The following VPS13C variants were observed in gnomAD, a reference collection of about 807,000 sequenced individuals.
VPS13C encodes vacuolar protein sorting 13 homolog C, also known as intermembrane lipid transfer protein VPS13C.
In VPS13C, 358 loss-of-function variants were observed where a neutral mutation model predicts 456.8. That is an observed-to-expected ratio of 0.78 (90% CI 0.72 to 0.86). The LOEUF is 0.86. VPS13C is among the 40% of genes least tolerant of loss of function. VPS13C has a pLI of 0.00. For missense variants in VPS13C, 4,818 were observed against 4,385.4 expected, an observed-to-expected ratio of 1.10 and a Z score of -2.79; for synonymous variants, 1,578 against 1,486.7, an observed-to-expected ratio of 1.06 and a Z score of -1.41.
rs1596276198 is a variant in VPS13C at position 61,872,573 on chromosome 15, T to C, written c.10579-539A>G. Among the ~76,000 whole-genome samples, 2 of 152,074 alleles carry C rather than the reference T, an allele frequency of 1.3e-5. 1 individual carries two copies. The highest frequency in any genetic ancestry group is 3.9e-4 in the East Asian group (2 of 5,188). ...CAAAAAACACAGCAGTTTCCTGAAATTATTTCCAAAATTAAAACATGAATA... is the reference window on the plus strand; with the variant it reads ...CAAAAAACACAGCAGTTTCCTGAAACTATTTCCAAAATTAAAACATGAATA... On this transcript the variant is annotated intron_variant, in intron 78 of 84. Transcript: ENST00000644861.
chr15:61,881,677 T>G, intron 70 of VPS13C, 45 bp from the exon 71 acceptor site: 1 of 1,599,558 alleles, frequency 6.3e-7, no homozygotes, highest in Non-Finnish European at 8.5e-7. Flanking sequence ...TGCTTTATAC[T>G]AGGTTAAACT....
intron 16 of VPS13C, among the ~76,000 whole-genome samples, 174 bp downstream of exon 16, chr15:62,000,390 G>GT (rs970762998): frequency 9.9e-5 from 15 of 151,660 alleles, no homozygotes; most frequent in African/African-American, 2.2e-4. Context: ...TAAAAATAAG[G>GT]TTTTTTTTCC....
chr15:61,941,143 T>C (rs545621971), intron 46 of VPS13C, among the ~76,000 whole-genome samples: 3 of 152,226 alleles, frequency 2.0e-5, no homozygotes, highest in African/African-American at 7.2e-5. Context: ...AACTGGAAGA[T>C]GAAGAAAGTA....
At chr15:61,931,822 C>T (rs1206644552) in intron 49 of VPS13C, among the ~76,000 whole-genome samples, 3 of 151,776 alleles carry the variant, frequency 2.0e-5, no homozygotes, top group African/African-American at 2.4e-5. Context: ...CCTCATGATC[C>T]GCCCACCTCG....
chr15:61,886,476 G>A (rs1223549371), intron 67 of VPS13C, among the ~76,000 whole-genome samples: 1 of 151,922 alleles, frequency 6.6e-6, no homozygotes, highest in East Asian at 1.9e-4. Context: ...GTTTTGATAT[G>A]ACGGATATAT....
intron 66 of VPS13C, among the ~76,000 whole-genome samples, chr15:61,901,608 A>G (rs2042998890): frequency 6.6e-6 from 1 of 152,136 alleles, no homozygotes; most frequent in Non-Finnish European, 1.5e-5. Flanking sequence ...AAAGTCAGGA[A>G]ACAACAGGTG....
rs751998215 is a variant in VPS13C at position 61,962,455 on chromosome 15, G to T, written c.3519C>A (p.Asp1173Glu). Reference protein sequence around the residue: ...PDATEGDLYTDMSKVDGVLSL... With the variant: ...PDATEGDLYTEMSKVDGVLSL... ...ACAGCACACCATCCACTTTGGACATGTCAGTATACAAATCCCCCTCAGTAG... is the reference window on the plus strand; with the variant it reads ...ACAGCACACCATCCACTTTGGACATTTCAGTATACAAATCCCCCTCAGTAG... The change falls in exon 34 of 85, where the codon GAC (aspartate) becomes GAA (glutamate). Residue 1173 changes from aspartate (D) to glutamate (E), a missense_variant. This residue lies in a region of VPS13C where 4,552 missense variants were observed against 4,130.6 expected (regional missense o/e 1.10). Transcript: ENST00000644861. The T allele has an allele frequency of 8.1e-6, 13 of 1,611,958 alleles. No homozygotes were observed. Among genetic ancestry groups the T allele is most frequent in the Middle Eastern group, 1.6e-4 (1 of 6,078 alleles).
At chr15:61,893,870 C>A (rs1244437760) in intron 66 of VPS13C, among the ~76,000 whole-genome samples, 1 of 151,400 alleles carries the variant, frequency 6.6e-6, no homozygotes, top group Non-Finnish European at 1.5e-5. Context: ...TTTTGTAAGC[C>A]TCATAGTAAC....
chr15:62,017,278 T>G (rs1448708074), intron 9 of VPS13C, among the ~76,000 whole-genome samples: 2 of 152,196 alleles, frequency 1.3e-5, no homozygotes, highest in Non-Finnish European at 2.9e-5. Flanking sequence ...GTGCAGAAGC[T>G]CTTTAGTTAA....
At chr15:61,859,979 A>G (rs187134267) in intron 82 of VPS13C, among the ~76,000 whole-genome samples, 65 of 152,274 alleles carry the variant, frequency 4.3e-4, no homozygotes, top group African/African-American at 1.5e-3. Flanking sequence ...TTAAAAACTC[A>G]TAAGAAAAAA....
chr15:62,010,655 G>A, intron 12 of VPS13C, 56 bp from the exon 13 acceptor site: 2 of 1,457,370 alleles, frequency 1.4e-6, no homozygotes, highest in Non-Finnish European at 1.8e-6. Flanking sequence ...ATATAAACAA[G>A]TGTAAATAAT....
At chr15:61,994,911 T>C (rs1045938836) in intron 16 of VPS13C, among the ~76,000 whole-genome samples, 23 of 152,152 alleles carry the variant, frequency 1.5e-4, no homozygotes, top group African/African-American at 5.6e-4. Flanking sequence ...TTAAATGATG[T>C]CAGATAAATG....
chr15:62,034,944 T>C lies in VPS13C; in HGVS notation c.283+13A>G, dbSNP rs2047938961. 1 of 1,570,140 alleles carries C rather than the reference T, an allele frequency of 6.4e-7. No homozygotes were observed. The highest frequency in any genetic ancestry group is 1.4e-5 in the African/African-American group (1 of 73,626). Reference sequence around the variant, plus strand: ...GTGATGTTATTGAATGGTTATAACCTAAAATAACATACTTGCTCCAGGGAC... The same window carrying C: ...GTGATGTTATTGAATGGTTATAACCCAAAATAACATACTTGCTCCAGGGAC... On this transcript the variant is annotated intron_variant, in intron 4 of 84. Transcript: ENST00000644861.
At position 62,052,228 on chromosome 15, in the gene VPS13C, G is replaced by C. The variant is rs192476079; in HGVS notation, c.101-7973C>G. ...CTTTGTATTTATTTTTTAAGATTTT[G>C]TTTATGTATCTATAACATAAACATT... On this transcript the variant is annotated intron_variant, in intron 1 of 84. Transcript: ENST00000644861. Among the ~76,000 whole-genome samples the C allele has an allele frequency of 1.1e-3, 174 of 152,188 alleles. 1 individual carries two copies. The highest frequency in any genetic ancestry group is 1.9e-3 in the South Asian group (9 of 4,820).
chr15:61,962,173 A>G (rs1476490627), intron 34 of VPS13C, among the ~76,000 whole-genome samples, 198 bp downstream of exon 34: 1 of 152,126 alleles, frequency 6.6e-6, no homozygotes, highest in Non-Finnish European at 1.5e-5. Flanking sequence ...TAGCAAAAAT[A>G]ATTTGTTCTA....
chr15:62,015,213 TG>T (rs2047188249), intron 9 of VPS13C, among the ~76,000 whole-genome samples: 1 of 152,138 alleles, frequency 6.6e-6, no homozygotes, highest in Non-Finnish European at 1.5e-5. Flanking sequence ...TCTTTAAAGG[TG>T]TTACTGTATA....
At chr15:62,042,675 A>AT in intron 2 of VPS13C, among the ~76,000 whole-genome samples, 1 of 152,102 alleles carries the variant, frequency 6.6e-6, no homozygotes. Context: ...TCCTGAAATA[A>AT]TTTTCACACA....
chr15:61,868,051 CATTTT>C (rs1216105073), intron 81 of VPS13C: 3 of 785,994 alleles, frequency 3.8e-6, no homozygotes, highest in Non-Finnish European at 6.2e-6. Context: ...AATTAAGAGG[CATTTT>C]ATTTTAAAGT....
At chr15:62,032,251 A>G (rs1035371034) in intron 5 of VPS13C, among the ~76,000 whole-genome samples, 1 of 151,622 alleles carries the variant, frequency 6.6e-6, no homozygotes, top group Non-Finnish European at 1.5e-5. Context: ...AAAATTGAAT[A>G]TAAAGAAAAA....
Sources: allele counts gnomAD v4.1 joint callset (sites outside exome capture counted in the v4.1 genomes callset), GRCh38; gene constraint gnomAD v4.1.1; regional missense constraint gnomAD v4.1.1; transcripts MANE v1.5; gene names NCBI Gene and HGNC (gene_info 2026-07-23, HGNC 2026-07-21).